NEGR1: variants seen among roughly 807,000 people sequenced by gnomAD.
NEGR1 encodes the protein IgLON family member 4.
Under a neutral mutation model 40.9 loss-of-function variants are expected in NEGR1, and 10 were observed. The ratio of observed to expected loss-of-function variants is 0.24; its 90% CI spans 0.15 to 0.42. The LOEUF is 0.42. Among genes scored for constraint, NEGR1 ranks in the 10% least tolerant of loss-of-function variants. The pLI, the probability that NEGR1 is intolerant of heterozygous loss-of-function variation, is 1.00. For synonymous variants in NEGR1, 185 were observed against 166.8 expected (o/e 1.11, Z -0.84); for missense variants, 352 against 438.9 (o/e 0.80, Z 1.77).
chr1:72,233,408 A>T (rs1654442230), intron 1 of NEGR1, among the ~76,000 whole-genome samples: 1 of 152,156 alleles, frequency 6.6e-6, no homozygotes, highest in African/African-American at 2.4e-5. Context: ...GGTAGTGAGC[A>T]TAGTACACAA....
At chr1:71,736,083 A>G (rs1655033083) in intron 3 of NEGR1, among the ~76,000 whole-genome samples, 1 of 152,128 alleles carries the variant, frequency 6.6e-6, no homozygotes, top group Non-Finnish European at 1.5e-5. Context: ...AGAAAGCTCA[A>G]AATTATCAAG....
chr1:71,878,328 G>T (rs1223159586), intron 2 of NEGR1, among the ~76,000 whole-genome samples: 2 of 151,986 alleles, frequency 1.3e-5, no homozygotes, highest in South Asian at 2.1e-4. Context: ...TTACACTTTG[G>T]CATTAATTAG....
intron 1 of NEGR1, among the ~76,000 whole-genome samples, chr1:72,262,328 T>G (rs1370287207): frequency 1.3e-5 from 2 of 152,020 alleles, no homozygotes; most frequent in African/African-American, 4.8e-5. Flanking sequence ...AGCCTTCTCC[T>G]GAAGTGAAAG....
intron 4 of NEGR1, among the ~76,000 whole-genome samples, chr1:71,666,898 A>C (rs1456227606): frequency 5.9e-5 from 9 of 152,222 alleles, no homozygotes; most frequent in African/African-American, 2.2e-4. Context: ...CTATAAAAAC[A>C]GTCAGAAAAA....
intron 4 of NEGR1, among the ~76,000 whole-genome samples, chr1:71,617,994 C>T (rs867397834): frequency 6.6e-6 from 1 of 152,186 alleles, no homozygotes. Flanking sequence ...ATGGACTCAG[C>T]CTTTCACTCC....
At chr1:71,592,499 CAA>C (rs1161937110) in intron 6 of NEGR1, among the ~76,000 whole-genome samples, 1 of 152,120 alleles carries the variant, frequency 6.6e-6, no homozygotes, top group Admixed American at 6.6e-5. Context: ...TAAAAAACAA[CAA>C]AATCTCACCA....
chr1:71,693,281 G>GA (rs907427483), intron 4 of NEGR1, among the ~76,000 whole-genome samples: 6 of 151,388 alleles, frequency 4.0e-5, no homozygotes, highest in East Asian at 3.9e-4. Flanking sequence ...TTTCCTGGGA[G>GA]AAAAAAAATT....
chr1:71,880,252 T>G (rs1165246822), intron 2 of NEGR1, among the ~76,000 whole-genome samples: 1 of 151,996 alleles, frequency 6.6e-6, no homozygotes, highest in Non-Finnish European at 1.5e-5. Flanking sequence ...TTTAAATATT[T>G]TATTTATATC....
chr1:71,986,585 T>G (rs1427278867), intron 1 of NEGR1, among the ~76,000 whole-genome samples: 1 of 152,174 alleles, frequency 6.6e-6, no homozygotes, highest in Non-Finnish European at 1.5e-5. Context: ...ATTCCAAATC[T>G]CAGAACATGC....
intron 1 of NEGR1, among the ~76,000 whole-genome samples, chr1:72,118,485 G>A: frequency 6.6e-6 from 1 of 151,852 alleles, no homozygotes; most frequent in East Asian, 1.9e-4. Flanking sequence ...GATCCAGCGG[G>A]TGTGTTGTGG....
chr1:71,804,249 C>G (rs1352910524), intron 2 of NEGR1, among the ~76,000 whole-genome samples: 2 of 152,110 alleles, frequency 1.3e-5, no homozygotes, highest in Non-Finnish European at 2.9e-5. Flanking sequence ...TGATAATAAA[C>G]AGCAATAACA....
At chr1:71,734,170 G>A (rs1654974298) in intron 3 of NEGR1, among the ~76,000 whole-genome samples, 1 of 152,128 alleles carries the variant, frequency 6.6e-6, no homozygotes, top group Admixed American at 6.6e-5. Flanking sequence ...TTTTTCTCAG[G>A]TTCAACATCT....
intron 3 of NEGR1, among the ~76,000 whole-genome samples, chr1:71,734,200 G>A (rs972862129): frequency 4.6e-5 from 7 of 152,116 alleles, no homozygotes; most frequent in African/African-American, 7.2e-5. Context: ...GAATAGGACC[G>A]GCAATTACTG....
In NEGR1 at chr1:71,567,625, TA is replaced by T. The variant is rs1451693110; in HGVS notation, c.940+25191del. ...ATATGTAGAATTCATTTTTCTGTGT[TA>T]TTCATTCTAGATTTCATCTTATAAT... On this transcript the variant is annotated intron_variant, in intron 6 of 6. Transcript: ENST00000357731. 4.6e-5 allele frequency among the ~76,000 whole-genome samples: 7 copies of T among 152,320 alleles called. No individual in the cohort carries two copies. The East Asian group carries it at 1.3e-3, about 29-fold the overall frequency.
At chr1:72,179,805 A>AC (rs913675932) in intron 1 of NEGR1, among the ~76,000 whole-genome samples, 20 of 152,044 alleles carry the variant, frequency 1.3e-4, no homozygotes, top group African/African-American at 4.8e-4. Flanking sequence ...CTTAAAAAAA[A>AC]CCCTAGGAAT....
chr1:71,657,763 T>C (rs888777033), intron 4 of NEGR1, among the ~76,000 whole-genome samples: 8 of 152,120 alleles, frequency 5.3e-5, no homozygotes, highest in East Asian at 1.9e-4. Flanking sequence ...TAATAGATAA[T>C]GAGGAAAAAG....
intron 4 of NEGR1, among the ~76,000 whole-genome samples, chr1:71,612,012 G>A (rs917885314): frequency 6.6e-6 from 1 of 152,186 alleles, no homozygotes. Context: ...CACGAGGTCA[G>A]GAGATCAAGA....
chr1:72,045,563 C>A (rs912794269), intron 1 of NEGR1, among the ~76,000 whole-genome samples: 3 of 151,746 alleles, frequency 2.0e-5, no homozygotes, highest in African/African-American at 7.3e-5. Flanking sequence ...CACAAGCTCT[C>A]TTTTTGCCTG....
intron 2 of NEGR1, among the ~76,000 whole-genome samples, chr1:71,924,510 T>G (rs1553121731): frequency 6.6e-6 from 1 of 152,200 alleles, no homozygotes; most frequent in South Asian, 2.1e-4. Flanking sequence ...AAGTCTTCAA[T>G]ATTTCATTTA....
Sources: gnomAD v4.1 joint callset for allele counts (sites outside exome capture counted in the v4.1 genomes callset) on GRCh38, gnomAD v4.1.1 for gene constraint, MANE v1.5 for transcripts, NCBI Gene and HGNC (gene_info 2026-07-23, HGNC 2026-07-21) for gene names.